Variants in SHANK2 observed in about 807,000 individuals in gnomAD.
The protein encoded by SHANK2 is SH3 and multiple ankyrin repeat domains protein 2.
SHANK2 carries 43 observed loss-of-function variants against 133.7 expected under a neutral mutation model. That is an observed-to-expected ratio of 0.32 (90% confidence interval 0.25 to 0.41). The LOEUF (loss-of-function observed/expected upper bound fraction) is 0.41. Ranked by LOEUF, SHANK2 falls within the 10% of genes least tolerant of loss-of-function variation. The probability of loss-of-function intolerance (pLI) is 1.00; values close to 1 mark genes in which losing one functional copy is unlikely to be tolerated. For synonymous variants in SHANK2, 1,017 were observed against 952.8 expected (o/e 1.07, Z -1.24); for missense variants, 1,994 against 2,235.8 (o/e 0.89, Z 2.18).
intron 12 of SHANK2, among the ~76,000 whole-genome samples, chr11:70,811,643 A>ATCCG (rs1186729807): frequency 1.3e-5 from 2 of 149,956 alleles, no homozygotes; most frequent in African/African-American, 4.9e-5. Flanking sequence ...CCACTCATCC[A>ATCCG]TCCATCCATC....
intron 17 of SHANK2, among the ~76,000 whole-genome samples, chr11:70,527,392 C>T (rs1011179156): frequency 9.2e-5 from 14 of 152,194 alleles, no homozygotes; most frequent in Admixed American, 7.8e-4. Flanking sequence ...CATTCTAGAA[C>T]GACCCCCATG....
At chr11:71,135,279 G>A (rs1952414414) in intron 3 of SHANK2, among the ~76,000 whole-genome samples, 2 of 152,152 alleles carry the variant, frequency 1.3e-5, no homozygotes, top group South Asian at 2.1e-4. Flanking sequence ...ACCGGCTGAT[G>A]GGGTACAAGG....
At chr11:71,088,920 T>C (rs1364816239) in intron 8 of SHANK2, among the ~76,000 whole-genome samples, 10 of 121,608 alleles carry the variant, frequency 8.2e-5, no homozygotes, top group Admixed American at 7.9e-4. Flanking sequence ...ACCAGAGGCC[T>C]CCCCTCGTCC....
intron 17 of SHANK2, among the ~76,000 whole-genome samples, chr11:70,572,761 C>T (rs1420300864): frequency 2.0e-5 from 3 of 152,152 alleles, no homozygotes; most frequent in African/African-American, 2.4e-5. Flanking sequence ...CAAGTGCCGG[C>T]GAGGCCCAGG....
intron 8 of SHANK2, among the ~76,000 whole-genome samples, chr11:71,084,499 G>A (rs1354570984): frequency 1.3e-5 from 2 of 152,196 alleles, no homozygotes; most frequent in African/African-American, 2.4e-5. Flanking sequence ...CTGTGGCCGC[G>A]CAGGCTCTCC....
intron 25 of SHANK2, among the ~76,000 whole-genome samples, chr11:70,475,769 G>A (rs1555149983): frequency 1.3e-5 from 2 of 152,186 alleles, no homozygotes; most frequent in Non-Finnish European, 2.9e-5. Flanking sequence ...GGGTGCCCCT[G>A]AGTGGGAGAT....
chr11:71,188,324 C>G lies in SHANK2; in HGVS notation c.-13+36373G>C, dbSNP rs1953717747. ...CTGCCCAGCCCCTTCCAGCATACGC[C>G]TGAGAAGGTCAGCCCCAAACGCCCT... On this transcript the variant is annotated intron_variant, in intron 2 of 25. Coordinates refer to ENST00000601538, the MANE Select transcript of SHANK2 (RefSeq NM_012309.5). This position sits in a 1 kb window ranked among gnomAD's most constrained non-coding sequence, Gnocchi z 4.6. Among the ~76,000 whole-genome samples the G allele has an allele frequency of 6.6e-6, 1 of 152,088 alleles. No homozygotes were observed. Among genetic ancestry groups the G allele is most frequent in the Non-Finnish European group, 1.5e-5 (1 of 68,014 alleles).
At chr11:71,242,056 CA>C (rs1400522440) in intron 1 of SHANK2, among the ~76,000 whole-genome samples, 4 of 152,144 alleles carry the variant, frequency 2.6e-5, no homozygotes, top group South Asian at 2.1e-4. Flanking sequence ...TACTCAGCCA[CA>C]AAAAGGAAGG....
Position 70,791,554 on chromosome 11 carries a change from G to C in SHANK2, c.1777+6889C>G, listed in dbSNP as rs11237503. Among the ~76,000 whole-genome samples, 11 of 152,166 alleles carry C rather than the reference G, an allele frequency of 7.2e-5. No homozygotes were observed. The East Asian group carries it at 2.1e-3, about 29-fold the overall frequency. On this transcript the variant is annotated intron_variant, in intron 14 of 25. Transcript: ENST00000601538. Reference sequence around the variant, plus strand: ...TAAACTTCCACCCAACTCTTCATACGCATCATCTCCAGGCTTCACATTTCA... The same window carrying C: ...TAAACTTCCACCCAACTCTTCATACCCATCATCTCCAGGCTTCACATTTCA...
chr11:70,887,636 A>G (rs1949767848), intron 11 of SHANK2, among the ~76,000 whole-genome samples: 1 of 152,156 alleles, frequency 6.6e-6, no homozygotes, highest in East Asian at 1.9e-4. Flanking sequence ...TGTTTGGGAA[A>G]CAAAGGATCC....
chr11:71,215,719 C>T (rs1264085715), intron 2 of SHANK2, among the ~76,000 whole-genome samples: 1 of 152,200 alleles, frequency 6.6e-6, no homozygotes, highest in Non-Finnish European at 1.5e-5. Flanking sequence ...ACACTGCAGG[C>T]GTGCCAGCTC....
chr11:70,609,251 G>C (rs1490719484), intron 17 of SHANK2, among the ~76,000 whole-genome samples: 1 of 152,262 alleles, frequency 6.6e-6, no homozygotes, highest in Non-Finnish European at 1.5e-5. Flanking sequence ...CCTGGGCTAG[G>C]TCTGACGGCA....
At chr11:71,197,311 G>C (rs1200360511) in intron 2 of SHANK2, among the ~76,000 whole-genome samples, 1 of 152,244 alleles carries the variant, frequency 6.6e-6, no homozygotes, top group African/African-American at 2.4e-5. Flanking sequence ...GTGTGGGCAG[G>C]TTCCAAGATG....
chr11:70,646,381 G>T (rs139028272), intron 17 of SHANK2: 1 of 152,230 alleles, frequency 6.6e-6, no homozygotes, highest in Admixed American at 6.5e-5. Context: ...CTCCAAGTTC[G>T]TGGTGCATGG....
At chr11:70,888,108 G>A (rs1949775498) in intron 11 of SHANK2, among the ~76,000 whole-genome samples, 1 of 152,104 alleles carries the variant, frequency 6.6e-6, no homozygotes, top group South Asian at 2.1e-4. Context: ...GTCCTCTGGT[G>A]ATCATCTGAC....
At chr11:70,550,389 G>T (rs1554977624) in intron 17 of SHANK2, among the ~76,000 whole-genome samples, 1 of 152,194 alleles carries the variant, frequency 6.6e-6, no homozygotes, top group Non-Finnish European at 1.5e-5. Context: ...CCTGCTGCAT[G>T]CGTACCCCCA....
intron 2 of SHANK2, among the ~76,000 whole-genome samples, chr11:71,172,597 C>CAAAAAAAA (rs10623588): frequency 9.3e-6 from 1 of 107,298 alleles, no homozygotes; most frequent in Non-Finnish European, 1.8e-5. Flanking sequence ...GACTCTGTCT[C>CAAAAAAAA]AAAAAAAAAA....
intron 14 of SHANK2, among the ~76,000 whole-genome samples, chr11:70,747,358 C>T (rs905109762): frequency 2.6e-5 from 4 of 152,244 alleles, no homozygotes; most frequent in South Asian, 4.1e-4. Flanking sequence ...GCTGGCTACC[C>T]GGAGAACACA....
intron 17 of SHANK2, among the ~76,000 whole-genome samples, chr11:70,619,898 C>G (rs1040216832): frequency 2.6e-5 from 4 of 152,140 alleles, no homozygotes; most frequent in Non-Finnish European, 4.4e-5. Flanking sequence ...TGGAGGAGCA[C>G]GTTTGGGGCT....
Sources: gnomAD v4.1 joint callset for allele counts (sites outside exome capture counted in the v4.1 genomes callset) on GRCh38, gnomAD v4.1.1 for gene constraint, Gnocchi (gnomAD v3.1) non-coding constraint, MANE v1.5 for transcripts, NCBI Gene and HGNC (gene_info 2026-07-23, HGNC 2026-07-21) for gene names.